Variants in MGA observed in about 807,000 individuals in gnomAD.
The protein encoded by MGA is MAX gene-associated protein.
Under a neutral mutation model 261.1 loss-of-function variants are expected in MGA, and 40 were observed. The ratio of observed to expected loss-of-function variants is 0.15; its 90% CI spans 0.12 to 0.20. The LOEUF is 0.20. MGA is among the 10% of genes least tolerant of loss of function. The pLI, the probability that MGA is intolerant of heterozygous loss-of-function variation, is 1.00. For missense variants in MGA, 3,397 were observed against 3,630.5 expected (o/e 0.94, Z 1.65); for synonymous variants, 1,302 against 1,290.6 (o/e 1.01, Z -0.19).
chr15:41,748,872 G>A lies in MGA; in HGVS notation c.5448G>A (p.Gln1816=). The A allele has an allele frequency of 6.2e-7, 1 of 1,613,972 alleles. No homozygotes were observed. The highest frequency in any genetic ancestry group is 8.5e-7 in the Non-Finnish European group (1 of 1,179,876). ...TTGTCCAGCTTCTACCTTTGCATCA[G>A]CTTCGAGGCTCTAATACCCAGCCCA... The change falls in exon 16 of 24, where the codon CAG becomes CAA. Residue 1816 remains glutamine (Q), a synonymous_variant. Transcript: ENST00000219905.
chr15:41,645,954 G>A (rs186776898), intron 1 of MGA, among the ~76,000 whole-genome samples: 1 of 152,254 alleles, frequency 6.6e-6, no homozygotes, highest in East Asian at 1.9e-4. Context: ...AATTCATTGA[G>A]ACACATGGTG....
chr15:41,628,551 T>C (rs747054663), intron 1 of MGA, among the ~76,000 whole-genome samples: 2 of 151,646 alleles, frequency 1.3e-5, no homozygotes, highest in African/African-American at 2.4e-5. Flanking sequence ...TTGGAAGTGG[T>C]GGGAATAGTA....
chr15:41,743,054 A>G lies in MGA; in HGVS notation c.5094A>G (p.Leu1698=). The G allele has an allele frequency of 1.9e-6, 3 of 1,613,930 alleles. No homozygotes were observed. Among genetic ancestry groups the G allele is most frequent in the South Asian group, 1.1e-5 (1 of 91,080 alleles). The change falls in exon 15 of 24, where the codon TTA becomes TTG. Residue 1698 remains leucine (L), a synonymous_variant. Coordinates refer to ENST00000219905, the MANE Select transcript of MGA (RefSeq NM_001164273.2). ...TTGCTTCCACTGCTTCCACCTCCTT[A>G]GTCGTGGTGACTGCAGCTGCATCTT...
At chr15:41,671,469 G>GC (rs2058056789) in intron 2 of MGA, among the ~76,000 whole-genome samples, 1 of 152,012 alleles carries the variant, frequency 6.6e-6, no homozygotes, top group Non-Finnish European at 1.5e-5. Context: ...GATTGCAGGT[G>GC]TGTGCCACCA....
intron 2 of MGA, chr15:41,684,549 C>A (rs1449818984): frequency 6.3e-6 from 2 of 317,062 alleles, no homozygotes; most frequent in Non-Finnish European, 1.3e-5. Context: ...GTGTTTATAA[C>A]TTACCAAGTT....
chr15:41,695,477 G>A (rs1297702145), intron 2 of MGA, among the ~76,000 whole-genome samples: 1 of 152,182 alleles, frequency 6.6e-6, no homozygotes. Context: ...GTGAGCCATC[G>A]CTCCTGCCCA....
At position 41,652,078 on chromosome 15, in the gene MGA, G is replaced by A. The variant is rs1209795261; in HGVS notation, c.-67-16750G>A. Reference sequence around the variant, plus strand: ...CCTCTTGGGTTCACGCCATTCTCCTGCCTCAGCCTCCTGAGTAGCTGGGAC... The same window carrying A: ...CCTCTTGGGTTCACGCCATTCTCCTACCTCAGCCTCCTGAGTAGCTGGGAC... On this transcript the variant is annotated intron_variant, in intron 1 of 8. Transcript: ENST00000566718. 1.2e-3 allele frequency among the ~76,000 whole-genome samples: 164 copies of A among 133,344 alleles called. 1 individual carries two copies. The highest frequency in any genetic ancestry group is 4.5e-3 in the African/African-American group (157 of 35,020). 87.5% of individuals were successfully genotyped at this position (133,344 alleles called of 152,430 possible).
At chr15:41,759,951 G>A (rs572013019) in intron 19 of MGA, among the ~76,000 whole-genome samples, 3 of 152,110 alleles carry the variant, frequency 2.0e-5, no homozygotes, top group African/African-American at 7.2e-5. Context: ...GGATCTTACA[G>A]TATTTTTTGA....
intron 1 of MGA, among the ~76,000 whole-genome samples, chr15:41,632,337 A>T (rs969128359): frequency 6.6e-6 from 1 of 152,310 alleles, no homozygotes; most frequent in Non-Finnish European, 1.5e-5. Flanking sequence ...TTGTAGATAT[A>T]AAAGAGCCAA....
At position 41,748,711 on chromosome 15, in the gene MGA, T is replaced by C; in HGVS notation, c.5287T>C (p.Leu1763=). The C allele has an allele frequency of 6.2e-7, 1 of 1,614,014 alleles. No individual in the cohort carries two copies. Among genetic ancestry groups the C allele is most frequent in the Non-Finnish European group, 8.5e-7 (1 of 1,179,894 alleles). Reference sequence around the variant, plus strand: ...AGTGAAACGTGCTGGACCTCGATTGTTGTTGATTCCAGTGCAGCAGGGTTC... The same window carrying C: ...AGTGAAACGTGCTGGACCTCGATTGCTGTTGATTCCAGTGCAGCAGGGTTC... Residue 1763 remains leucine, a synonymous_variant, in exon 16 of 24, where the codon TTG becomes CTG. Transcript: ENST00000219905.
rs767107204 is a variant in MGA at position 41,696,911 on chromosome 15, A to G, written c.1901A>G (p.Lys634Arg). ...GGACGACCACCTAAGAACACAGGAA[A>G]GTCTTTAATTTCTACAAAGAATACA... The change falls in exon 3 of 24, where the codon AAG (lysine) becomes AGG (arginine). Residue 634 changes from lysine to arginine, a missense_variant. By Grantham distance (26) the Lys-to-Arg change is conservative. Coordinates refer to ENST00000219905, the MANE Select transcript of MGA (RefSeq NM_001164273.2). 6.2e-7 allele frequency: 1 copy of G among 1,600,420 alleles called. No homozygotes were observed. The highest frequency in any genetic ancestry group is 1.3e-5 in the African/African-American group (1 of 74,850).
At chr15:41,752,507 AACTATT>A (rs2062888405) in intron 17 of MGA, among the ~76,000 whole-genome samples, 1 of 151,814 alleles carries the variant, frequency 6.6e-6, no homozygotes, top group African/African-American at 2.4e-5. Context: ...AACCAGTGAA[AACTATT>A]ACTATTAGTG....
upstream of MGA, among the ~76,000 whole-genome samples, chr15:41,656,344 T>TCTCTCTCTC (rs149903830): frequency 5.2e-3 from 314 of 59,984 alleles, 6 homozygotes; most frequent in African/African-American, 0.012. Context: ...CTCTCCTCTC[T>TCTCTCTCTC]TCTCTCTCTC....
intron 3 of MGA, among the ~76,000 whole-genome samples, chr15:41,698,156 C>T (rs560914538): frequency 1.4e-5 from 2 of 147,602 alleles, no homozygotes; most frequent in East Asian, 2.0e-4. Flanking sequence ...AAGCGTGAGC[C>T]ACTGCCCCTG....
chr15:41,666,619 C>T (rs1052514959), intron 1 of MGA, among the ~76,000 whole-genome samples: 31 of 152,292 alleles, frequency 2.0e-4, no homozygotes, highest in Middle Eastern at 6.8e-3. Context: ...AGATGTGTGG[C>T]ATAATTTACA....
chr15:41,703,361 T>C, intron 5 of MGA, among the ~76,000 whole-genome samples: 1 of 126,764 alleles, frequency 7.9e-6, no homozygotes, highest in Non-Finnish European at 1.6e-5. Flanking sequence ...TTATTCATTG[T>C]GAAGTTACCC....
At chr15:41,764,361 C>T (rs1020450702) in intron 22 of MGA, among the ~76,000 whole-genome samples, 2 of 150,092 alleles carry the variant, frequency 1.3e-5, no homozygotes, top group African/African-American at 4.9e-5. Flanking sequence ...TCACGCCATT[C>T]TTCTGCCTCA....
intron 9 of MGA, among the ~76,000 whole-genome samples, chr15:41,713,979 G>GTT (rs199904788): frequency 3.3e-5 from 5 of 151,182 alleles, no homozygotes; most frequent in Non-Finnish European, 5.9e-5. Context: ...TGAAAATTGG[G>GTT]TTTTTTTTTG....
intron 2 of MGA, among the ~76,000 whole-genome samples, chr15:41,676,142 A>G (rs1308197616): frequency 2.0e-5 from 3 of 152,248 alleles, no homozygotes; most frequent in African/African-American, 7.2e-5. Flanking sequence ...TCAGAATGCA[A>G]GTGAGTGAGA....
Sources: gnomAD v4.1 joint callset for allele counts (sites outside exome capture counted in the v4.1 genomes callset) on GRCh38, gnomAD v4.1.1 for gene constraint, MANE v1.5 for transcripts, NCBI Gene and HGNC (gene_info 2026-07-23, HGNC 2026-07-21) for gene names.